CNKSR3: variants seen among roughly 807,000 people sequenced by gnomAD.
The protein encoded by CNKSR3 is CNKSR family member 3.
A neutral mutation model predicts 67.7 loss-of-function variants in CNKSR3; 36 were observed. That is an observed-to-expected ratio of 0.53 (90% CI 0.41 to 0.70). The LOEUF is 0.70. Ranked by LOEUF, CNKSR3 falls within the 30% of genes least tolerant of loss-of-function variation. The pLI is 0.00. For missense variants in CNKSR3, 630 were observed against 695.2 expected (o/e 0.91, Z 1.05); for synonymous variants, 281 against 271.4 (o/e 1.04, Z -0.35).
intron 5 of CNKSR3, among the ~76,000 whole-genome samples, chr6:154,432,565 G>A (rs1785391677): frequency 6.6e-6 from 1 of 151,956 alleles, no homozygotes; most frequent in Non-Finnish European, 1.5e-5. Flanking sequence ...TTATGCTTTT[G>A]GTGTTCTATC....
At chr6:154,454,863 A>C (rs1785918572) in intron 1 of CNKSR3, among the ~76,000 whole-genome samples, 1 of 152,074 alleles carries the variant, frequency 6.6e-6, no homozygotes, top group African/African-American at 2.4e-5. Flanking sequence ...AAGAGAATAA[A>C]AGTTGCTAAA....
intron 1 of CNKSR3, among the ~76,000 whole-genome samples, chr6:154,489,480 G>A (rs577331059): frequency 2.0e-5 from 3 of 151,992 alleles, no homozygotes; most frequent in South Asian, 2.1e-4. Context: ...GCAGTAAGCC[G>A]AGATCCCACC....
At chr6:154,468,449 T>TA (rs1786257127) in intron 1 of CNKSR3, among the ~76,000 whole-genome samples, 1 of 147,784 alleles carries the variant, frequency 6.8e-6, no homozygotes, top group Non-Finnish European at 1.5e-5. Context: ...CCATCTAACC[T>TA]AAAAAAGTCC....
At chr6:154,420,285 G>C (rs916655348) in intron 9 of CNKSR3, among the ~76,000 whole-genome samples, 27 of 152,108 alleles carry the variant, frequency 1.8e-4, no homozygotes, top group African/African-American at 6.5e-4. Flanking sequence ...GCTGCCAGAG[G>C]TTAGAAGGAA....
At chr6:154,459,251 G>T (rs1469709957) in intron 1 of CNKSR3, among the ~76,000 whole-genome samples, 1 of 151,968 alleles carries the variant, frequency 6.6e-6, no homozygotes, top group Non-Finnish European at 1.5e-5. Context: ...GATCAGAGCT[G>T]TGAGCTGGAA....
At chr6:154,449,954 C>A in intron 2 of CNKSR3, 141 bp downstream of exon 2, 6 of 839,236 alleles carry the variant, frequency 7.1e-6, no homozygotes, top group Non-Finnish European at 1.1e-5. Context: ...TTTCCCCTTC[C>A]TATAGTATCT....
intron 1 of CNKSR3, among the ~76,000 whole-genome samples, chr6:154,504,940 T>C (rs1787069083): frequency 2.0e-5 from 3 of 151,596 alleles, no homozygotes; most frequent in African/African-American, 7.2e-5. Flanking sequence ...CAATCAATGT[T>C]TTTCTGTTAT....
At chr6:154,442,663 T>A (rs1046208026) in intron 2 of CNKSR3, among the ~76,000 whole-genome samples, 99 of 151,326 alleles carry the variant, frequency 6.5e-4, no homozygotes, top group African/African-American at 2.3e-3. Context: ...ATATTCAAAC[T>A]CTCTGATAAC....
intron 4 of CNKSR3, 49 bp from the exon 5 acceptor site, chr6:154,433,556 C>T (rs1178544572): frequency 9.3e-6 from 13 of 1,399,854 alleles, no homozygotes; most frequent in East Asian, 4.7e-5. Context: ...GAGTTAAAAA[C>T]GTTCAGAACT....
chr6:154,423,552 C>CTG (rs1785191767), intron 7 of CNKSR3, among the ~76,000 whole-genome samples: 1 of 152,088 alleles, frequency 6.6e-6, no homozygotes, highest in Non-Finnish European at 1.5e-5. Flanking sequence ...GCCACCGCGC[C>CTG]CAGTCTGGAC....
intron 9 of CNKSR3, among the ~76,000 whole-genome samples, chr6:154,416,923 A>G (rs1785035970): frequency 6.6e-6 from 1 of 152,212 alleles, no homozygotes; most frequent in African/African-American, 2.4e-5. Flanking sequence ...CCCAAACTGC[A>G]GCTAGAGGGA....
At chr6:154,431,106 C>G (rs1363903776) in intron 5 of CNKSR3, among the ~76,000 whole-genome samples, 1 of 151,790 alleles carries the variant, frequency 6.6e-6, no homozygotes, top group Non-Finnish European at 1.5e-5. Context: ...TCCCAGTTTC[C>G]TCTATTATTA....
At chr6:154,418,588 C>A (rs996958944) in intron 9 of CNKSR3, among the ~76,000 whole-genome samples, 2 of 152,146 alleles carry the variant, frequency 1.3e-5, no homozygotes, top group Non-Finnish European at 2.9e-5. Flanking sequence ...GCGGGCAGAG[C>A]AAGCATTTGA....
intron 7 of CNKSR3, 132 bp downstream of exon 7, chr6:154,427,996 T>C: frequency 1.5e-6 from 1 of 646,980 alleles, no homozygotes; most frequent in Admixed American, 2.4e-5. Context: ...TCAACAGAAA[T>C]AAACAAAGCA....
chr6:154,413,402 T>A (rs554190926), intron 10 of CNKSR3, among the ~76,000 whole-genome samples: 1 of 152,092 alleles, frequency 6.6e-6, no homozygotes, highest in East Asian at 1.9e-4. Flanking sequence ...GCTAATTTTT[T>A]AAATTTTTTG....
intron 1 of CNKSR3, among the ~76,000 whole-genome samples, chr6:154,454,331 G>C (rs1785906804): frequency 6.6e-6 from 1 of 152,106 alleles, no homozygotes; most frequent in Non-Finnish European, 1.5e-5. Context: ...TAAATACTCT[G>C]TAAATTTAGT....
intron 1 of CNKSR3, among the ~76,000 whole-genome samples, chr6:154,479,610 T>A (rs563972966): frequency 6.6e-6 from 1 of 152,234 alleles, no homozygotes; most frequent in South Asian, 2.1e-4. Context: ...GGACTGACAA[T>A]AATTACTGCA....
At chr6:154,488,773 G>A (rs928383843) in intron 1 of CNKSR3, among the ~76,000 whole-genome samples, 4 of 152,192 alleles carry the variant, frequency 2.6e-5, no homozygotes, top group Non-Finnish European at 5.9e-5. Flanking sequence ...CAGAAATCAT[G>A]ACTGGGGTCA....
At chr6:154,431,286 A>T (rs9479851) in intron 5 of CNKSR3, among the ~76,000 whole-genome samples, 7,484 of 152,060 alleles carry the variant, frequency 0.049, 219 homozygotes, top group African/African-American at 0.082. Flanking sequence ...TCTACTAAAA[A>T]TACAAAAATT....
Sources: allele counts gnomAD v4.1 joint callset (sites outside exome capture counted in the v4.1 genomes callset), GRCh38; gene constraint gnomAD v4.1.1; transcripts MANE v1.5; gene names NCBI Gene and HGNC (gene_info 2026-07-23, HGNC 2026-07-21).